The following KIF21B variants were observed in gnomAD, a reference collection of about 807,000 sequenced individuals.
KIF21B encodes kinesin family member 21B.
Under a neutral mutation model 192.9 loss-of-function variants are expected in KIF21B, and 85 were observed. That is an observed-to-expected ratio of 0.44 (90% CI 0.37 to 0.53). The LOEUF is 0.53. KIF21B is among the 20% of genes least tolerant of loss of function. KIF21B has a pLI of 0.00. For synonymous variants in KIF21B, 832 were observed against 884.6 expected, an observed-to-expected ratio of 0.94 and a Z score of 1.05; for missense variants, 1,716 against 2,194.8, an observed-to-expected ratio of 0.78 and a Z score of 4.36.
At chr1:200,973,892 C>A in intron 34 of KIF21B, 1 of 1,471,004 alleles carries the variant, frequency 6.8e-7, no homozygotes, top group Admixed American at 2.4e-5. Context: ...GCCTGTCCCA[C>A]TGTTCATGCT....
rs765100718 is a variant in KIF21B at position 201,005,730 on chromosome 1, T to C, written c.448-36A>G. On this transcript the variant is annotated intron_variant, in intron 3 of 34. Coordinates refer to ENST00000461742, the MANE Select transcript of KIF21B (RefSeq NM_001252102.2). The stretch of plus-strand genomic sequence containing the variant: ...AGGAAACAGCTGAATTCATAGGGCA[T>C]TCACTGGGGCCCCAGGTGGCTGCCA... 8.1e-6 allele frequency: 13 copies of C among 1,604,386 alleles called. No individual in the cohort carries two copies. In the Admixed American group the frequency reaches 2.0e-4, roughly 25 times the overall value.
intron 1 of KIF21B, among the ~76,000 whole-genome samples, chr1:201,019,402 G>A (rs1658690569): frequency 6.6e-6 from 1 of 152,154 alleles, no homozygotes; most frequent in Non-Finnish European, 1.5e-5. Flanking sequence ...GGGTAAAACT[G>A]AGGCCCACAA....
rs763115699 is a variant in KIF21B, at chr1:200,987,005, C to T, written c.3605G>A (p.Gly1202Asp). 1 of 1,614,102 alleles carries T rather than the reference C, an allele frequency of 6.2e-7. No individual in the cohort carries two copies. The highest frequency in any genetic ancestry group is 1.7e-5 in the Admixed American group (1 of 60,020). Residue 1202 changes from glycine to aspartate, a missense_variant, in exon 25 of 35, where the codon GGC becomes GAC. Gly to Asp is a moderately conservative substitution (Grantham distance 94). Transcript: ENST00000461742. ...CTGCTCCCATCCTTACAAAGTGCTG[C>T]CCCGGGTAGGCAGACTGACGGTGCG... is the stretch of plus-strand genomic sequence containing the variant. ...VSRTVSLPTR[G>D]STFPRQSRAT...
At chr1:201,005,011 G>C in intron 5 of KIF21B, 78 bp from the exon 6 acceptor site, 1 of 1,488,968 alleles carries the variant, frequency 6.7e-7, no homozygotes, top group Non-Finnish European at 9.2e-7. Context: ...CTGCCATCCG[G>C]GAGAGGCACG....
chr1:201,008,683 T>C (rs1206516284), intron 3 of KIF21B, 86 bp downstream of exon 3: 1 of 1,264,810 alleles, frequency 7.9e-7, no homozygotes, highest in Non-Finnish European at 1.1e-6. Context: ...CCAGGACTCA[T>C]TCCACTGCAC....
chr1:200,969,825 C>A lies in KIF21B; in HGVS notation c.*3696G>T, dbSNP rs575150687. On this transcript the variant is annotated 3_prime_UTR_variant, in exon 35 of 35. Coordinates refer to ENST00000461742, the MANE Select transcript of KIF21B (RefSeq NM_001252102.2). ...CAAAGAAGAAACAGAACTTTCCCTG[C>A]AAAATCTGTCCTTGCACACAAGAGG... 6 of 152,578 alleles carry A rather than the reference C, an allele frequency of 3.9e-5. No individual in the cohort carries two copies. The highest frequency in any genetic ancestry group is 2.0e-4 in the Admixed American group (3 of 15,316). 9.5% of individuals were successfully genotyped at this position (152,578 alleles called of 1,614,324 possible). A position where few individuals can be genotyped will look rare whatever the true frequency, so the allele number is the denominator to read the frequency against.
At chr1:200,986,384 G>A (rs1656305401) in intron 26 of KIF21B, among the ~76,000 whole-genome samples, 2 of 146,866 alleles carry the variant, frequency 1.4e-5, no homozygotes, top group South Asian at 4.2e-4. Context: ...TTGAGACAGA[G>A]TCTCTCTCTG....
At chr1:201,003,058 C>T (rs1005464423) in intron 8 of KIF21B, 1 of 166,626 alleles carries the variant, frequency 6.0e-6, no homozygotes, top group Non-Finnish European at 1.3e-5. Context: ...GAATGGCTGT[C>T]CCATCTCATT....
In KIF21B at chr1:201,003,702, G is replaced by T. The variant is rs1250955515; in HGVS notation, c.1096C>A (p.Arg366=). The T allele has an allele frequency of 1.9e-6, 3 of 1,614,200 alleles. No homozygotes were observed. Among genetic ancestry groups the T allele is most frequent in the Middle Eastern group, 1.6e-4 (1 of 6,062 alleles). ...ETLNTLKYAN[R]ARNIKNKVVV... is the part of the protein sequence containing the mutation. ...ACCTTGTTCTTGATGTTGCGGGCCC[G>T]ATTGGCATATTTGAGTGTGTTGAGG... Residue 366 remains arginine, a synonymous_variant, in exon 8 of 35, where the codon CGG becomes AGG. Transcript: ENST00000461742.
chr1:201,008,272 T>G (rs1658029021), intron 3 of KIF21B, among the ~76,000 whole-genome samples: 1 of 152,146 alleles, frequency 6.6e-6, no homozygotes, highest in African/African-American at 2.4e-5. Flanking sequence ...AGAAAGACCT[T>G]TCCTAGAGGA....
At chr1:201,003,466 G>C (rs763307440) in intron 8 of KIF21B, 120 bp downstream of exon 8, 12 of 960,138 alleles carry the variant, frequency 1.2e-5, no homozygotes, top group Admixed American at 7.8e-5. Flanking sequence ...CAAAGTGGAT[G>C]ATGGTAATAG....
chr1:201,009,010 C>T (rs983889487), intron 2 of KIF21B, 59 bp from the exon 3 acceptor site: 150 of 1,537,682 alleles, frequency 9.8e-5, no homozygotes, highest in Non-Finnish European at 1.2e-4. Flanking sequence ...CCAGCAAGCC[C>T]TGTACCTGGG....
At chr1:200,980,357 C>T (rs1036833764) in intron 29 of KIF21B, among the ~76,000 whole-genome samples, 7 of 152,216 alleles carry the variant, frequency 4.6e-5, no homozygotes, top group Non-Finnish European at 2.9e-5. Flanking sequence ...CGGACTCAAA[C>T]GATCCTCCCA....
intron 1 of KIF21B, among the ~76,000 whole-genome samples, chr1:201,012,832 C>T (rs1370859435): frequency 6.6e-6 from 1 of 152,132 alleles, no homozygotes; most frequent in Admixed American, 6.6e-5. Context: ...TTTGTAGAGA[C>T]AACGTTTTGC....
intron 27 of KIF21B, among the ~76,000 whole-genome samples, chr1:200,984,179 G>A (rs1558002321): frequency 6.6e-6 from 1 of 152,174 alleles, no homozygotes; most frequent in Non-Finnish European, 1.5e-5. Context: ...GGCTCTGGGT[G>A]CAATTCTGCC....
Position 200,977,283 on chromosome 1 carries a change from G to C in KIF21B, c.4254C>G (p.Ile1418Met). The C allele has an allele frequency of 1.2e-6, 2 of 1,614,242 alleles. No individual in the cohort carries two copies. The highest frequency in any genetic ancestry group is 1.7e-6 in the Non-Finnish European group (2 of 1,180,028). ...SAQGEHQINQ[I>M]ALSPSGTMLY... ...GCATGGTGCCCGAAGGGCTGAGGGCGATCTGGTTGATCTGATGCTCGCCCT... is the reference window on the plus strand; with the variant it reads ...GCATGGTGCCCGAAGGGCTGAGGGCCATCTGGTTGATCTGATGCTCGCCCT... The change falls in exon 31 of 35, where the codon ATC (isoleucine) becomes ATG (methionine). Residue 1418 changes from isoleucine to methionine, a missense_variant. Coordinates refer to ENST00000461742, the MANE Select transcript of KIF21B (RefSeq NM_001252102.2).
intron 27 of KIF21B, among the ~76,000 whole-genome samples, chr1:200,984,060 C>A (rs1238659100): frequency 6.6e-6 from 1 of 152,164 alleles, no homozygotes; most frequent in African/African-American, 2.4e-5. Context: ...CTGCAGAGAG[C>A]AAAACAGGAC....
chr1:200,999,420 C>T lies in KIF21B; in HGVS notation c.1814G>A (p.Arg605His), dbSNP rs147761216. ...GCCCGAGTCCTCATCTTCATCCTCGCGCCCTTCCTCCTCCTCACAGCCACT... is the reference window on the plus strand; with the variant it reads ...GCCCGAGTCCTCATCTTCATCCTCGTGCCCTTCCTCCTCCTCACAGCCACT... ...DESGCEEEEG[R>H]EDEDEDSGSE... is the part of the protein sequence containing the mutation. The change falls in exon 13 of 35, where the codon CGC becomes CAC. Residue 605 changes from arginine to histidine, a missense_variant. This residue lies in a region of KIF21B where 1,087 missense variants were observed against 1,316.6 expected (regional missense o/e 0.83). Coordinates refer to ENST00000461742, the MANE Select transcript of KIF21B (RefSeq NM_001252102.2). This position sits in a 1 kb window ranked among gnomAD's most constrained non-coding sequence, Gnocchi z 4.7. 39 of 1,614,014 alleles carry T rather than the reference C, an allele frequency of 2.4e-5. No homozygotes were observed. Among genetic ancestry groups the T allele is most frequent in the African/African-American group, 9.3e-5 (7 of 74,926 alleles).
Position 201,000,814 on chromosome 1 carries a change from A to G in KIF21B, c.1403-34T>C, listed in dbSNP as rs6667956. ...GGACGGCGGGAAGAAGGGTGCGATAAAGAAGATAAATAGGCCAGCGCGGTG... is the reference window on the plus strand; with the variant it reads ...GGACGGCGGGAAGAAGGGTGCGATAGAGAAGATAAATAGGCCAGCGCGGTG... On this transcript the variant is annotated intron_variant, in intron 9 of 34. Coordinates refer to ENST00000461742, the MANE Select transcript of KIF21B (RefSeq NM_001252102.2). The surrounding 1 kb of genome is among the most constrained non-coding windows in gnomAD (Gnocchi z 6.0). 0.14 allele frequency: 219,158 copies of G among 1,611,040 alleles called. 18,497 individuals are homozygous for G. The highest frequency in any genetic ancestry group is 0.41 in the African/African-American group (30,752 of 74,796).
Sources: gnomAD v4.1 joint callset for allele counts (sites outside exome capture counted in the v4.1 genomes callset) on GRCh38, gnomAD v4.1.1 for gene constraint, gnomAD v4.1.1 regional missense constraint, Gnocchi (gnomAD v3.1) non-coding constraint, MANE v1.5 for transcripts, NCBI Gene and HGNC (gene_info 2026-07-23, HGNC 2026-07-21) for gene names.